The following NEMP2 variants were observed in gnomAD, a reference collection of about 807,000 sequenced individuals.
NEMP2 encodes nuclear envelope integral membrane protein 2.
A neutral mutation model predicts 54.2 loss-of-function variants in NEMP2; 53 were observed. That is an observed-to-expected ratio of 0.98 (90% confidence interval 0.78 to 1.23). NEMP2 has a LOEUF of 1.23. Ranked by LOEUF, NEMP2 falls within the 50% of genes most tolerant of loss-of-function variation. The pLI is 0.00. For synonymous variants in NEMP2, 197 were observed against 190.3 expected, an observed-to-expected ratio of 1.04 and a Z score of -0.29; for missense variants, 455 against 511.3, an observed-to-expected ratio of 0.89 and a Z score of 1.06.
the NEMP2 span, among the ~76,000 whole-genome samples, chr2:190,589,809 C>A: frequency 1.3e-5 from 2 of 152,160 alleles, no homozygotes; most frequent in Admixed American, 6.6e-5. This position sits in a 1 kb window ranked among gnomAD's most constrained non-coding sequence, Gnocchi z 4.3. Context: ...CGAGCCATTG[C>A]CAATGGCCTA....
chr2:190,493,993 G>A, the NEMP2 span, among the ~76,000 whole-genome samples: 2 of 149,598 alleles, frequency 1.3e-5, no homozygotes, highest in African/African-American at 2.5e-5. Context: ...GCAGAAGAAA[G>A]GAAATAACCA....
chr2:190,441,967 T>C, the NEMP2 span, among the ~76,000 whole-genome samples: 1 of 152,174 alleles, frequency 6.6e-6, no homozygotes, highest in South Asian at 2.1e-4. Flanking sequence ...TCCACCACTC[T>C]TCACTACTTA....
intron 5 of NEMP2, 119 bp from the exon 6 acceptor site, chr2:190,516,503 T>A: frequency 1.4e-6 from 1 of 708,574 alleles, no homozygotes; most frequent in Non-Finnish European, 2.3e-6. Context: ...TTGAAGTCAA[T>A]TTAAGAAACT....
the NEMP2 span, among the ~76,000 whole-genome samples, chr2:190,476,531 A>G: frequency 3.9e-5 from 6 of 152,302 alleles, no homozygotes; most frequent in Admixed American, 3.9e-4. Context: ...TTAGAATGGC[A>G]ATCATTAAAA....
the NEMP2 span, among the ~76,000 whole-genome samples, chr2:190,595,057 GAAAT>G: frequency 2.4e-3 from 364 of 152,232 alleles, 6 homozygotes; most frequent in Non-Finnish European, 1.3e-3. The surrounding 1 kb of genome is among the most constrained non-coding windows in gnomAD (Gnocchi z 4.0). Flanking sequence ...CACTCGCCAA[GAAAT>G]AATGCTTATT....
rs1407236351 is a variant in NEMP2, at chr2:190,513,397, G to A, written c.953+1056C>T. Among the ~76,000 whole-genome samples, 1 of 152,150 alleles carries A rather than the reference G, an allele frequency of 6.6e-6. No individual in the cohort carries two copies. Among genetic ancestry groups the A allele is most frequent in the Non-Finnish European group, 1.5e-5 (1 of 68,022 alleles). ...GCCCCGTTTTCAATGAGGTTGCTTTGTAGAGTTTCCCACAGTCCTCCTGGT... is the reference window on the plus strand; with the variant it reads ...GCCCCGTTTTCAATGAGGTTGCTTTATAGAGTTTCCCACAGTCCTCCTGGT... On this transcript the variant is annotated intron_variant, in intron 7 of 8. Transcript: ENST00000409150. The surrounding 1 kb of genome is among the most constrained non-coding windows in gnomAD (Gnocchi z 5.3).
chr2:190,493,154 A>C, the NEMP2 span, among the ~76,000 whole-genome samples: 1 of 152,030 alleles, frequency 6.6e-6, no homozygotes, highest in Non-Finnish European at 1.5e-5. Context: ...ACACATAGGA[A>C]CTCACATAAA....
chr2:190,591,030 A>C, the NEMP2 span, among the ~76,000 whole-genome samples: 237 of 152,262 alleles, frequency 1.6e-3, no homozygotes, highest in Non-Finnish European at 2.7e-3. This position sits in a 1 kb window ranked among gnomAD's most constrained non-coding sequence, Gnocchi z 5.4. Flanking sequence ...GACAGTGATA[A>C]CTTTGTGACA....
At chr2:190,554,681 C>A in the NEMP2 span, among the ~76,000 whole-genome samples, 1 of 152,210 alleles carries the variant, frequency 6.6e-6, no homozygotes, top group Non-Finnish European at 1.5e-5. The surrounding 1 kb of genome is among the most constrained non-coding windows in gnomAD (Gnocchi z 5.7). Flanking sequence ...ATAAAACCCC[C>A]ACTTCCCTGG....
At chr2:190,573,319 G>T in the NEMP2 span, among the ~76,000 whole-genome samples, 1 of 152,126 alleles carries the variant, frequency 6.6e-6, no homozygotes, top group African/African-American at 2.4e-5. Context: ...CATCTTCTAT[G>T]CACGTTAAAA....
chr2:190,530,805 T>C lies in NEMP2; in HGVS notation c.97+3754A>G, dbSNP rs1691118231. Among the ~76,000 whole-genome samples, 1 of 152,202 alleles carries C rather than the reference T, an allele frequency of 6.6e-6. No individual in the cohort carries two copies. The highest frequency in any genetic ancestry group is 1.5e-5 in the Non-Finnish European group (1 of 68,036). On this transcript the variant is annotated intron_variant, in intron 1 of 8. Transcript: ENST00000409150. The surrounding 1 kb of genome is among the most constrained non-coding windows in gnomAD (Gnocchi z 4.6). ...TTTCATTTATTCATGAGGCCCCAGT[T>C]ATTGCTGGTTAATTCTACTAGGATA...
At position 190,525,202 on chromosome 2, in the gene NEMP2, C is replaced by T; in HGVS notation, c.213+61G>A. The T allele has an allele frequency of 2.2e-6, 2 of 914,166 alleles. No individual in the cohort carries two copies. The highest frequency in any genetic ancestry group is 3.4e-6 in the Non-Finnish European group (2 of 587,974). The allele number at this position is 914,166 out of a possible 1,614,324, so 56.6% of individuals were successfully genotyped here. A position where few individuals can be genotyped will look rare whatever the true frequency, so the allele number is the denominator to read the frequency against. On this transcript the variant is annotated intron_variant, in intron 2 of 8. Coordinates refer to ENST00000409150, the MANE Select transcript of NEMP2 (RefSeq NM_001142645.2). The surrounding 1 kb of genome is among the most constrained non-coding windows in gnomAD (Gnocchi z 5.0). ...TTTCTATTCCTGAAGTGGTACATTTCCTGTCCCCAGGACATGGTAATTCTC... is the reference window on the plus strand; with the variant it reads ...TTTCTATTCCTGAAGTGGTACATTTTCTGTCCCCAGGACATGGTAATTCTC...
At chr2:190,473,186 C>A in the NEMP2 span, among the ~76,000 whole-genome samples, 1 of 152,138 alleles carries the variant, frequency 6.6e-6, no homozygotes, top group African/African-American at 2.4e-5. Flanking sequence ...AACCAACAAG[C>A]AAAATCACCA....
chr2:190,516,321 A>G lies in NEMP2; in HGVS notation c.676T>C (p.Leu226=). 1.3e-6 allele frequency: 2 copies of G among 1,551,718 alleles called. No homozygotes were observed. The highest frequency in any genetic ancestry group is 1.2e-5 in the South Asian group (1 of 84,058). ...CACAGCCACTTCAGATCTTCCATCA[A>G]CTGGCATACAATATAAACTGAGGCA... ...WFASVYIVCQ[L]MEDLKWLWYE... Residue 226 remains leucine (L), a synonymous_variant, in exon 6 of 9, where the codon TTG becomes CTG. Transcript: ENST00000409150.
the NEMP2 span, among the ~76,000 whole-genome samples, chr2:190,468,261 T>G: frequency 6.6e-6 from 1 of 152,186 alleles, no homozygotes; most frequent in East Asian, 1.9e-4. Context: ...CTTTTTGTAA[T>G]ACTTCACTGA....
chr2:190,598,339 A>G, the NEMP2 span, among the ~76,000 whole-genome samples: 1 of 152,242 alleles, frequency 6.6e-6, no homozygotes, highest in Non-Finnish European at 1.5e-5. Flanking sequence ...AAATTCTTCT[A>G]CTTATGGAAG....
the NEMP2 span, among the ~76,000 whole-genome samples, chr2:190,556,176 C>T: frequency 6.6e-6 from 1 of 152,172 alleles, no homozygotes; most frequent in Non-Finnish European, 1.5e-5. Context: ...GTTCAACAAA[C>T]ACAAATCAAT....
the NEMP2 span, among the ~76,000 whole-genome samples, chr2:190,594,833 T>C: frequency 6.6e-6 from 1 of 152,206 alleles, no homozygotes; most frequent in Non-Finnish European, 1.5e-5. The surrounding 1 kb of genome is among the most constrained non-coding windows in gnomAD (Gnocchi z 5.6). Flanking sequence ...ATTTTGTGCT[T>C]AATTACTACT....
the NEMP2 span, among the ~76,000 whole-genome samples, chr2:190,639,601 T>C: frequency 6.6e-6 from 1 of 152,294 alleles, no homozygotes; most frequent in East Asian, 1.9e-4. Flanking sequence ...TTTATTTTTT[T>C]CCTGATTTTC....
Sources: allele counts gnomAD v4.1 joint callset (sites outside exome capture counted in the v4.1 genomes callset), GRCh38; gene constraint gnomAD v4.1.1; non-coding constraint Gnocchi (gnomAD v3.1); transcripts MANE v1.5; gene names NCBI Gene and HGNC (gene_info 2026-07-23, HGNC 2026-07-21).